The following BAZ2B variants were observed in gnomAD, a reference collection of about 807,000 sequenced individuals.
BAZ2B encodes the protein bromodomain adjacent to zinc finger domain 2B.
BAZ2B carries 91 observed loss-of-function variants against 246.0 expected under a neutral mutation model. The observed-to-expected ratio is 0.37, with a 90% confidence interval of 0.31 to 0.44. The LOEUF is 0.44. BAZ2B is among the 20% of genes least tolerant of loss of function. The pLI, the probability that BAZ2B is intolerant of heterozygous loss-of-function variation, is 1.00. For synonymous variants in BAZ2B, 855 were observed against 860.0 expected (o/e 0.99, Z 0.10); for missense variants, 2,332 against 2,533.7 (o/e 0.92, Z 1.71).
chr2:159,490,552 T>G (rs1219881679), intron 2 of BAZ2B, among the ~76,000 whole-genome samples: 1 of 152,204 alleles, frequency 6.6e-6, no homozygotes, highest in East Asian at 1.9e-4. Flanking sequence ...GGTCTCACTC[T>G]GTCTCCCAGC....
At chr2:159,495,358 G>A (rs2080971801) in intron 2 of BAZ2B, among the ~76,000 whole-genome samples, 1 of 148,794 alleles carries the variant, frequency 6.7e-6, no homozygotes, top group Non-Finnish European at 1.5e-5. Flanking sequence ...AGTGGCGGGC[G>A]CCTGTAGTCC....
At chr2:159,350,442 T>G (rs1289229840) in intron 27 of BAZ2B, 85 bp from the exon 28 acceptor site, 2 of 1,264,574 alleles carry the variant, frequency 1.6e-6, no homozygotes, top group African/African-American at 3.0e-5. Context: ...TTTATCAAAT[T>G]ATATGCATAA....
chr2:159,525,524 T>C (rs772520853), intron 2 of BAZ2B, among the ~76,000 whole-genome samples: 1 of 152,168 alleles, frequency 6.6e-6, no homozygotes, highest in Non-Finnish European at 1.5e-5. Flanking sequence ...CTTCAGTTTA[T>C]GTGTATAAGG....
intron 2 of BAZ2B, among the ~76,000 whole-genome samples, chr2:159,538,721 T>C (rs2086303374): frequency 6.6e-6 from 1 of 152,204 alleles, no homozygotes; most frequent in Non-Finnish European, 1.5e-5. Flanking sequence ...TTTATAATCA[T>C]ACAGCCCAAT....
chr2:159,671,228 C>G, the BAZ2B span, among the ~76,000 whole-genome samples: 1 of 152,094 alleles, frequency 6.6e-6, no homozygotes, highest in East Asian at 1.9e-4. Flanking sequence ...CATAAGCTGT[C>G]AAGGTTGATG....
intron 26 of BAZ2B, among the ~76,000 whole-genome samples, chr2:159,373,510 C>T (rs1157001017): frequency 6.6e-6 from 1 of 152,166 alleles, no homozygotes; most frequent in Non-Finnish European, 1.5e-5. Flanking sequence ...CAATTCAATT[C>T]TATTGCTTAC....
chr2:159,681,534 T>C, the BAZ2B span, among the ~76,000 whole-genome samples: 2 of 151,666 alleles, frequency 1.3e-5, no homozygotes, highest in Non-Finnish European at 2.9e-5. Context: ...ATCTGATAAA[T>C]GCTAGATTGA....
At chr2:159,677,213 G>A in the BAZ2B span, among the ~76,000 whole-genome samples, 2 of 151,258 alleles carry the variant, frequency 1.3e-5, no homozygotes, top group East Asian at 3.9e-4. Flanking sequence ...GAACTCCTGA[G>A]AATACACAGC....
Position 159,431,027 on chromosome 2 carries a change from GA to G in BAZ2B, c.2029del (p.Ser677ProfsTer8). ...ACTCATGGAAGGGCTTTTGACAGAG[GA>G]AGTTGTTTTATTCAGTTTCATTGAA... ...KTSMKLNKTT[S>X]SVKSPSMSLT... On this transcript the variant is annotated frameshift_variant, in exon 10 of 37. Transcript: ENST00000392783. LOFTEE classifies it high-confidence loss of function. 6.2e-7 allele frequency: 1 copy of G among 1,613,976 alleles called. No individual in the cohort carries two copies. Among genetic ancestry groups the G allele is most frequent in the Non-Finnish European group, 8.5e-7 (1 of 1,179,900 alleles).
intron 27 of BAZ2B, among the ~76,000 whole-genome samples, chr2:159,353,433 A>G (rs1418232027): frequency 6.6e-6 from 1 of 152,234 alleles, no homozygotes; most frequent in Non-Finnish European, 1.5e-5. Flanking sequence ...CTTCTAGGAT[A>G]CAACAATAAG....
intron 2 of BAZ2B, among the ~76,000 whole-genome samples, chr2:159,498,599 A>T (rs1298601127): frequency 6.6e-6 from 1 of 152,200 alleles, no homozygotes; most frequent in African/African-American, 2.4e-5. Flanking sequence ...ACACAAAATT[A>T]ATTTTGTTCA....
chr2:159,583,693 A>G (rs1687376081), intron 1 of BAZ2B, among the ~76,000 whole-genome samples: 1 of 152,222 alleles, frequency 6.6e-6, no homozygotes, highest in African/African-American at 2.4e-5. Context: ...AGAGACAGAT[A>G]ACAAAAATAT....
chr2:159,395,147 A>C (rs1299803611), intron 20 of BAZ2B, among the ~76,000 whole-genome samples: 1 of 152,286 alleles, frequency 6.6e-6, no homozygotes, highest in South Asian at 2.1e-4. Flanking sequence ...CAGAACCAGC[A>C]GGGGAACCTG....
chr2:159,413,872 A>G (rs2149938041), intron 13 of BAZ2B, among the ~76,000 whole-genome samples: 1 of 152,304 alleles, frequency 6.6e-6, no homozygotes, highest in East Asian at 1.9e-4. Context: ...TCAAAAAACT[A>G]AAAATAGAGC....
chr2:159,317,966 A>G (rs556548185), downstream of BAZ2B, among the ~76,000 whole-genome samples: 14 of 152,244 alleles, frequency 9.2e-5, 1 homozygote, highest in South Asian at 2.9e-3. Context: ...CAATGAAGAC[A>G]CCAGTCCGAA....
intron 2 of BAZ2B, among the ~76,000 whole-genome samples, chr2:159,502,876 C>T (rs930362606): frequency 6.6e-6 from 1 of 152,164 alleles, no homozygotes; most frequent in African/African-American, 2.4e-5. Flanking sequence ...AGTAATCTTG[C>T]ACCTCCACAT....
chr2:159,377,091 C>A (rs1488070355), intron 25 of BAZ2B, among the ~76,000 whole-genome samples: 3 of 152,128 alleles, frequency 2.0e-5, no homozygotes, highest in Non-Finnish European at 4.4e-5. Context: ...AGGGAATTCT[C>A]TTTGAGATAA....
chr2:159,347,965 T>A (rs373216396), intron 30 of BAZ2B, among the ~76,000 whole-genome samples: 1 of 152,132 alleles, frequency 6.6e-6, no homozygotes, highest in Non-Finnish European at 1.5e-5. Context: ...GGGGGATTGG[T>A]TCTAGGACCC....
intron 16 of BAZ2B, among the ~76,000 whole-genome samples, chr2:159,401,134 A>G (rs1346114042): frequency 2.0e-5 from 3 of 152,256 alleles, no homozygotes; most frequent in Admixed American, 6.5e-5. Flanking sequence ...CATGTCTGAA[A>G]TTAATATGAT....
Sources: allele counts gnomAD v4.1 joint callset (sites outside exome capture counted in the v4.1 genomes callset), GRCh38; gene constraint gnomAD v4.1.1; transcripts MANE v1.5; gene names NCBI Gene and HGNC (gene_info 2026-07-23, HGNC 2026-07-21).